The following TANC2 variants were observed in gnomAD, a reference collection of about 807,000 sequenced individuals.
The protein encoded by TANC2 is protein TANC2.
TANC2 carries 26 observed loss-of-function variants against 210.5 expected under a neutral mutation model. That is an observed-to-expected ratio of 0.12 (90% CI 0.09 to 0.17). TANC2 has a LOEUF of 0.17. TANC2 is among the 10% of genes least tolerant of loss of function. The probability of loss-of-function intolerance (pLI) is 1.00; values close to 1 mark genes in which losing one functional copy is unlikely to be tolerated. For missense variants in TANC2, 2,129 were observed against 2,608.9 expected, an observed-to-expected ratio of 0.82 and a Z score of 4.01; for synonymous variants, 931 against 967.1, an observed-to-expected ratio of 0.96 and a Z score of 0.69.
chr17:63,226,621 C>G (rs1396216588), intron 7 of TANC2, among the ~76,000 whole-genome samples: 1 of 152,040 alleles, frequency 6.6e-6, no homozygotes, highest in Non-Finnish European at 1.5e-5. Context: ...TTAAAAATTT[C>G]CAGGATACAC....
intron 1 of TANC2, among the ~76,000 whole-genome samples, chr17:63,005,922 G>A (rs1209871609): frequency 6.6e-6 from 1 of 150,952 alleles, no homozygotes; most frequent in African/African-American, 2.4e-5. Flanking sequence ...GTGTGTGTGT[G>A]TGTGTGTGTG....
At chr17:63,055,409 A>G (rs947111900) in intron 2 of TANC2, among the ~76,000 whole-genome samples, 3 of 91,182 alleles carry the variant, frequency 3.3e-5, no homozygotes, top group African/African-American at 3.1e-4. Flanking sequence ...GATTAAAAAA[A>G]CAGCAGTATT....
At chr17:63,321,806 C>A (rs1187467587) in intron 11 of TANC2, among the ~76,000 whole-genome samples, 1 of 152,124 alleles carries the variant, frequency 6.6e-6, no homozygotes, top group Non-Finnish European at 1.5e-5. Context: ...AGTTCTCTTT[C>A]CTGTGGGTGT....
chr17:63,406,127 T>C, intron 20 of TANC2, 27 bp from the exon 21 acceptor site: 1 of 1,613,048 alleles, frequency 6.2e-7, no homozygotes, highest in Non-Finnish European at 8.5e-7. Flanking sequence ...TTTGGGCTAA[T>C]TGGTCCCTGT....
At chr17:63,382,791 T>C (rs2047655020) in intron 15 of TANC2, among the ~76,000 whole-genome samples, 1 of 152,234 alleles carries the variant, frequency 6.6e-6, no homozygotes, top group Admixed American at 6.5e-5. Flanking sequence ...ACTTTTCCAA[T>C]GTAGGTTCCT....
intron 7 of TANC2, among the ~76,000 whole-genome samples, chr17:63,212,748 G>T (rs1567820023): frequency 6.6e-6 from 1 of 152,226 alleles, no homozygotes; most frequent in Non-Finnish European, 1.5e-5. Flanking sequence ...GCTTTTAAAA[G>T]CCCTTCTTAC....
At chr17:63,411,894 G>A in intron 22 of TANC2, 104 bp from the exon 23 acceptor site, 1 of 1,523,240 alleles carries the variant, frequency 6.6e-7, no homozygotes. Flanking sequence ...ATAGCCTGGG[G>A]TAGGCCAGCA....
intron 14 of TANC2, among the ~76,000 whole-genome samples, chr17:63,364,362 G>A (rs1431050554): frequency 6.7e-6 from 1 of 150,156 alleles, no homozygotes; most frequent in Non-Finnish European, 1.5e-5. Flanking sequence ...TTTTTTTTTC[G>A]TTTTCCAAAT....
intron 4 of TANC2, among the ~76,000 whole-genome samples, chr17:63,128,173 T>TA (rs1012540323): frequency 3.3e-5 from 5 of 152,218 alleles, no homozygotes; most frequent in African/African-American, 7.2e-5. Context: ...AGTAAGGTGC[T>TA]AAAAAAATGC....
intron 9 of TANC2, chr17:63,305,378 C>T (rs2044867389): frequency 6.6e-6 from 1 of 152,378 alleles, no homozygotes; most frequent in South Asian, 2.1e-4. Context: ...TCCTTCCTCT[C>T]TGCGGGTCAC....
intron 3 of TANC2, among the ~76,000 whole-genome samples, chr17:63,078,139 G>A (rs1488304668): frequency 6.6e-6 from 1 of 151,936 alleles, no homozygotes; most frequent in Non-Finnish European, 1.5e-5. Context: ...AAGCTAATTG[G>A]GCTTGGAATT....
chr17:63,193,780 C>A, intron 5 of TANC2: 1 of 481,156 alleles, frequency 2.1e-6, no homozygotes, highest in Non-Finnish European at 3.4e-6. Flanking sequence ...TTTGAGTTCC[C>A]TGGCTCATTT....
intron 7 of TANC2, among the ~76,000 whole-genome samples, chr17:63,237,122 A>G (rs2042642373): frequency 6.6e-6 from 1 of 151,998 alleles, no homozygotes; most frequent in African/African-American, 2.4e-5. Flanking sequence ...GTATATGAGC[A>G]TTCTCTGCAT....
At chr17:63,260,881 G>A (rs2043336166) in intron 8 of TANC2, among the ~76,000 whole-genome samples, 1 of 152,036 alleles carries the variant, frequency 6.6e-6, no homozygotes, top group Non-Finnish European at 1.5e-5. Context: ...TTAGGGGCCA[G>A]TCAGGAGACA....
At chr17:63,423,239 A>C (rs2049068288) in exon 28 of TANC2, 1 of 152,160 alleles carries the variant, frequency 6.6e-6, no homozygotes, top group East Asian at 1.9e-4. Flanking sequence ...TTTCAGGGTG[A>C]AGAAAGACCC....
At chr17:63,313,832 C>G (rs2045214103) in intron 9 of TANC2, among the ~76,000 whole-genome samples, 1 of 152,176 alleles carries the variant, frequency 6.6e-6, no homozygotes, top group Admixed American at 6.5e-5. Context: ...CTCTATACTG[C>G]TTTCTTCAGG....
chr17:63,210,553 T>G (rs2041855026), intron 7 of TANC2, among the ~76,000 whole-genome samples: 1 of 152,202 alleles, frequency 6.6e-6, no homozygotes, highest in African/African-American at 2.4e-5. Flanking sequence ...TTATTTACTC[T>G]CGGGATTTAG....
chr17:63,341,267 T>C (rs1041921679), intron 12 of TANC2, among the ~76,000 whole-genome samples: 3 of 152,240 alleles, frequency 2.0e-5, no homozygotes, highest in African/African-American at 7.2e-5. Flanking sequence ...TCTGATGACC[T>C]CTGTCACTAC....
intron 7 of TANC2, among the ~76,000 whole-genome samples, chr17:63,233,795 G>T (rs2042546411): frequency 6.6e-6 from 1 of 152,118 alleles, no homozygotes; most frequent in South Asian, 2.1e-4. Flanking sequence ...TACGAACTTT[G>T]CTGTGCCCTT....
Sources: gnomAD v4.1 joint callset for allele counts (sites outside exome capture counted in the v4.1 genomes callset) on GRCh38, gnomAD v4.1.1 for gene constraint, MANE v1.5 for transcripts, NCBI Gene and HGNC (gene_info 2026-07-23, HGNC 2026-07-21) for gene names.